Variants in BRD4 observed in about 807,000 individuals in gnomAD.
BRD4 encodes the protein bromodomain-containing protein 4.
A neutral mutation model predicts 142.1 loss-of-function variants in BRD4; 16 were observed. The ratio of observed to expected loss-of-function variants is 0.11; its 90% CI spans 0.08 to 0.17. The LOEUF (loss-of-function observed/expected upper bound fraction) is 0.17. BRD4 is among the 10% of genes least tolerant of loss of function. The pLI is 1.00. For missense variants in BRD4, 1,424 were observed against 1,810.9 expected (o/e 0.79, Z 3.88); for synonymous variants, 833 against 707.5 (o/e 1.18, Z -2.82).
rs200021315 is a variant in BRD4 at position 15,265,444 on chromosome 19, C to T, written c.759G>A (p.Val253=). The T allele has an allele frequency of 1.3e-6, 2 of 1,565,566 alleles. No individual in the cohort carries two copies. The highest frequency in any genetic ancestry group is 1.7e-6 in the Non-Finnish European group (2 of 1,155,968). ...CGGGTGGGGGTTGTGGCTGGGGGGG[C>T]ACTGGCGGGGGCGTCTGCAGTGGCT... ...PPQPLQTPPP[V]PPQPQPPPAP... Residue 253 remains valine, a synonymous_variant, in exon 5 of 20, where the codon GTG becomes GTA. Coordinates refer to ENST00000679869, the MANE Select transcript of BRD4 (RefSeq NM_001379291.1).
Position 15,238,526 on chromosome 19 carries a change from G to A in BRD4, c.4021-81C>T, listed in dbSNP as rs993389238. 13 of 1,605,202 alleles carry A rather than the reference G, an allele frequency of 8.1e-6. No individual in the cohort carries two copies. The Admixed American group carries it at 1.5e-4, about 19-fold the overall frequency. On this transcript the variant is annotated intron_variant, in intron 19 of 19. Coordinates refer to ENST00000679869, the MANE Select transcript of BRD4 (RefSeq NM_001379291.1). This position sits in a 1 kb window ranked among gnomAD's most constrained non-coding sequence, Gnocchi z 7.2. Reference sequence around the variant, plus strand: ...CAAGCCCTCATACCCGCTACCAGCAGTCAGCCCCGTAGCCCTCCCCGTGGC... The same window carrying A: ...CAAGCCCTCATACCCGCTACCAGCAATCAGCCCCGTAGCCCTCCCCGTGGC...
chr19:15,276,955 G>A (rs532729182), intron 1 of BRD4, among the ~76,000 whole-genome samples: 1 of 152,302 alleles, frequency 6.6e-6, no homozygotes, highest in East Asian at 1.9e-4. Context: ...GACAGAGAAT[G>A]AGACCAGAGG....
chr19:15,296,355 C>T (rs539076950), intron 1 of BRD4, among the ~76,000 whole-genome samples: 14 of 152,328 alleles, frequency 9.2e-5, no homozygotes, highest in African/African-American at 3.1e-4. Flanking sequence ...TGCACAATTA[C>T]AAGCAACCAC....
intron 3 of BRD4, 34 bp from the exon 4 acceptor site, chr19:15,267,585 G>GCCCTC: frequency 6.2e-7 from 1 of 1,605,204 alleles, no homozygotes; most frequent in Non-Finnish European, 8.5e-7. Flanking sequence ...GAGTCAGAGG[G>GCCCTC]CCCTCCCCTC....
chr19:15,285,507 G>A (rs1045824401), intron 1 of BRD4, among the ~76,000 whole-genome samples: 1 of 152,148 alleles, frequency 6.6e-6, no homozygotes, highest in African/African-American at 2.4e-5. Context: ...AGAGGTTGCT[G>A]TGAGCCGAAA....
chr19:15,331,165 AAAAC>A (rs2048153930), intron 1 of BRD4, among the ~76,000 whole-genome samples: 1 of 152,292 alleles, frequency 6.6e-6, no homozygotes, highest in East Asian at 1.9e-4. Flanking sequence ...AAATCTTAAA[AAAAC>A]AAAGCGTAGT....
At chr19:15,283,358 G>A (rs537835553) in intron 1 of BRD4, among the ~76,000 whole-genome samples, 8 of 152,074 alleles carry the variant, frequency 5.3e-5, no homozygotes, top group East Asian at 3.9e-4. Context: ...ACATCACACC[G>A]GTCTTCTGAA....
chr19:15,314,105 C>T (rs565963163), intron 1 of BRD4, among the ~76,000 whole-genome samples: 1 of 152,362 alleles, frequency 6.6e-6, no homozygotes, highest in African/African-American at 2.4e-5. Flanking sequence ...TCTAGTACCA[C>T]AGCTCAGCCT....
intron 14 of BRD4, 34 bp downstream of exon 14, chr19:15,242,866 G>A (rs2047249281): frequency 6.3e-7 from 1 of 1,583,774 alleles, no homozygotes; most frequent in Non-Finnish European, 8.6e-7. Flanking sequence ...CCCAGCACCA[G>A]CCTCCCCAGA....
chr19:15,293,053 T>C (rs113007989), intron 1 of BRD4, among the ~76,000 whole-genome samples: 312 of 152,188 alleles, frequency 2.1e-3, no homozygotes, highest in Non-Finnish European at 2.7e-3. Context: ...AGCCGACTAC[T>C]GTCGATGCTA....
At chr19:15,246,104 T>C (rs2047283533) in intron 11 of BRD4, among the ~76,000 whole-genome samples, 1 of 152,138 alleles carries the variant, frequency 6.6e-6, no homozygotes, top group Non-Finnish European at 1.5e-5. Context: ...GGGCTGCAAC[T>C]GGGGACACGG....
In BRD4 at chr19:15,248,659, G is replaced by A. The variant is rs1456175802; in HGVS notation, c.2159-3897C>T. ...AGACTCCAAAAGGCTCAGAGTCAGCGGTGGCTCGAGCCTTACAGGGCACCA... is the reference window on the plus strand; with the variant it reads ...AGACTCCAAAAGGCTCAGAGTCAGCAGTGGCTCGAGCCTTACAGGGCACCA... On this transcript the variant is annotated intron_variant, in intron 11 of 19. Coordinates refer to ENST00000679869, the MANE Select transcript of BRD4 (RefSeq NM_001379291.1). 3 of 227,472 alleles carry A rather than the reference G, an allele frequency of 1.3e-5. No individual in the cohort carries two copies. The East Asian group carries it at 1.9e-4, about 14-fold the overall frequency. The allele number at this position is 227,472 out of a possible 1,614,324, so 14.1% of individuals were successfully genotyped here. A position where few individuals can be genotyped will look rare whatever the true frequency, so the allele number is the denominator to read the frequency against.
At chr19:15,276,584 C>T (rs1419025625) in intron 1 of BRD4, among the ~76,000 whole-genome samples, 1 of 152,132 alleles carries the variant, frequency 6.6e-6, no homozygotes, top group Non-Finnish European at 1.5e-5. Flanking sequence ...CCCCTAGGAA[C>T]CTGAAGGCAG....
At chr19:15,325,509 T>C (rs1237837804) in intron 1 of BRD4, among the ~76,000 whole-genome samples, 2 of 152,172 alleles carry the variant, frequency 1.3e-5, no homozygotes, top group Non-Finnish European at 2.9e-5. Context: ...GAGACACTTC[T>C]ACTTCTCACC....
At chr19:15,281,364 A>G (rs1193343086) in intron 1 of BRD4, among the ~76,000 whole-genome samples, 1 of 152,110 alleles carries the variant, frequency 6.6e-6, no homozygotes, top group East Asian at 1.9e-4. Flanking sequence ...TGTGAGCCAC[A>G]CTCAAGCTCT....
chr19:15,250,176 C>G (rs1243250627), intron 11 of BRD4, among the ~76,000 whole-genome samples: 1 of 152,304 alleles, frequency 6.6e-6, no homozygotes, highest in South Asian at 2.1e-4. Flanking sequence ...CCACAAGGCT[C>G]GCCCTCACCC....
intron 1 of BRD4, 103 bp from the exon 2 acceptor site, chr19:15,273,236 T>C: frequency 8.0e-7 from 1 of 1,245,434 alleles, no homozygotes; most frequent in Non-Finnish European, 1.1e-6. Context: ...CTGAGTTCCC[T>C]GGCGGTAGCT....
At chr19:15,299,779 C>T (rs1250259452) in intron 1 of BRD4, among the ~76,000 whole-genome samples, 1 of 152,236 alleles carries the variant, frequency 6.6e-6, no homozygotes, top group African/African-American at 2.4e-5. Flanking sequence ...TGGGGCTCAA[C>T]ATTCCAGTGC....
Position 15,264,541 on chromosome 19 carries a change from C to A in BRD4, c.1075G>T (p.Gly359Cys). 1 of 1,614,184 alleles carries A rather than the reference C, an allele frequency of 6.2e-7. No individual in the cohort carries two copies. The highest frequency in any genetic ancestry group is 1.7e-4 in the Middle Eastern group (1 of 6,060). Residue 359 changes from glycine (G) to cysteine (C), a missense_variant, in exon 6 of 20, where the codon GGC (glycine) becomes TGC (cysteine). Gly to Cys is a radical substitution (Grantham distance 159, BLOSUM62 -3). Transcript: ENST00000679869. ...TTGGCAAACATCTCCTTGAGGATGC[C>A]GCTGCAGCACTTGAGCTGCTCCGAG... Reference protein sequence around the residue: ...KVSEQLKCCSGILKEMFAKKH... With the variant: ...KVSEQLKCCSCILKEMFAKKH...
Sources: allele counts gnomAD v4.1 joint callset (sites outside exome capture counted in the v4.1 genomes callset), GRCh38; gene constraint gnomAD v4.1.1; non-coding constraint Gnocchi (gnomAD v3.1); transcripts MANE v1.5; gene names NCBI Gene and HGNC (gene_info 2026-07-23, HGNC 2026-07-21).